UTRN: variants seen among roughly 807,000 people sequenced by gnomAD.
UTRN encodes utrophin.
In UTRN, 283 loss-of-function variants were observed where a neutral mutation model predicts 463.9. That is an observed-to-expected ratio of 0.61 (90% CI 0.55 to 0.67). The LOEUF (loss-of-function observed/expected upper bound fraction) is 0.67, where lower values mean the gene tolerates loss of function less well. Ranked by LOEUF, UTRN falls within the 30% of genes least tolerant of loss-of-function variation. UTRN has a pLI of 0.00. For missense variants in UTRN, 3,922 were observed against 4,084.3 expected (o/e 0.96, Z 1.08); for synonymous variants, 1,442 against 1,431.5 (o/e 1.01, Z -0.17).
At chr6:144,834,518 C>T (rs955642597) in intron 69 of UTRN, among the ~76,000 whole-genome samples, 1 of 152,176 alleles carries the variant, frequency 6.6e-6, no homozygotes. Context: ...CACCAACTGT[C>T]TGATACAATT....
intron 2 of UTRN, chr6:144,344,194 C>G (rs544362994): frequency 7.7e-7 from 1 of 1,303,182 alleles, no homozygotes; most frequent in Admixed American, 2.3e-5. Flanking sequence ...TCCTCATCAT[C>G]TAAGCAGATG....
chr6:144,422,790 G>A (rs1784947249), intron 4 of UTRN, among the ~76,000 whole-genome samples: 1 of 152,312 alleles, frequency 6.6e-6, no homozygotes, highest in South Asian at 2.1e-4. Context: ...GGGTACAAAT[G>A]TTAACTCTAG....
At chr6:144,605,149 A>T (rs1389055418) in intron 51 of UTRN, among the ~76,000 whole-genome samples, 1 of 152,106 alleles carries the variant, frequency 6.6e-6, no homozygotes, top group African/African-American at 2.4e-5. Flanking sequence ...TACCCCTTGG[A>T]TCTTAGGCTA....
At chr6:144,612,935 A>G (rs1367385023) in intron 51 of UTRN, among the ~76,000 whole-genome samples, 1 of 152,108 alleles carries the variant, frequency 6.6e-6, no homozygotes, top group African/African-American at 2.4e-5. Context: ...ACAATAGCCA[A>G]GATATGGAAA....
intron 53 of UTRN, among the ~76,000 whole-genome samples, chr6:144,725,577 A>G (rs1787784752): frequency 1.3e-5 from 2 of 152,230 alleles, no homozygotes; most frequent in African/African-American, 4.8e-5. Context: ...ACGTGATATT[A>G]GAACTTAAAG....
At chr6:144,842,705 G>A (rs924097836) in intron 73 of UTRN, among the ~76,000 whole-genome samples, 2 of 152,102 alleles carry the variant, frequency 1.3e-5, no homozygotes, top group African/African-American at 4.8e-5. Context: ...ATATCTATTT[G>A]TGTTTTGCCA....
chr6:144,754,028 C>T (rs908846570), intron 56 of UTRN, among the ~76,000 whole-genome samples: 1 of 152,106 alleles, frequency 6.6e-6, no homozygotes, highest in East Asian at 1.9e-4. Context: ...CATGTCTTTT[C>T]ATTCTCTGTT....
At chr6:144,631,564 G>C (rs1776524613) in intron 51 of UTRN, among the ~76,000 whole-genome samples, 1 of 152,144 alleles carries the variant, frequency 6.6e-6, no homozygotes, top group African/African-American at 2.4e-5. Flanking sequence ...GGAGTGCTGA[G>C]AGCTTGGCGT....
At position 144,794,005 on chromosome 6, in the gene UTRN, A is replaced by T. The variant is rs766122933; in HGVS notation, c.9078+14A>T. Reference sequence around the variant, plus strand: ...TGCTTCCAACAGGTAAGCATGAAGGATCACTGGTGTGTAGGATGTGTTGGC... The same window carrying T: ...TGCTTCCAACAGGTAAGCATGAAGGTTCACTGGTGTGTAGGATGTGTTGGC... On this transcript the variant is annotated intron_variant, in intron 63 of 74. Coordinates refer to ENST00000367545, the MANE Select transcript of UTRN (RefSeq NM_007124.3). 2 of 1,613,058 alleles carry T rather than the reference A, an allele frequency of 1.2e-6. No individual in the cohort carries two copies. Among genetic ancestry groups the T allele is most frequent in the Non-Finnish European group, 1.7e-6 (2 of 1,179,576 alleles).
chr6:144,422,571 T>C (rs139561600), intron 4 of UTRN, among the ~76,000 whole-genome samples: 2,293 of 152,112 alleles, frequency 0.015, 50 homozygotes, highest in South Asian at 0.1. Context: ...TGAGCCGAGA[T>C]TGCGCCACTG....
At chr6:144,696,148 C>T (rs1026178248) in intron 52 of UTRN, among the ~76,000 whole-genome samples, 2 of 152,096 alleles carry the variant, frequency 1.3e-5, no homozygotes, top group Admixed American at 1.3e-4. Flanking sequence ...GTGTCATTGA[C>T]ACTATGTTTA....
intron 63 of UTRN, among the ~76,000 whole-genome samples, chr6:144,796,464 A>T (rs1198192392): frequency 1.3e-5 from 2 of 152,182 alleles, no homozygotes; most frequent in African/African-American, 4.8e-5. Context: ...AACTGAATTA[A>T]AATGTCCTGA....
intron 62 of UTRN, among the ~76,000 whole-genome samples, chr6:144,792,319 G>A (rs1448623861): frequency 6.6e-6 from 1 of 152,186 alleles, no homozygotes; most frequent in African/African-American, 2.4e-5. Context: ...GGCCGATGTA[G>A]GGCAGATCAA....
intron 2 of UTRN, among the ~76,000 whole-genome samples, chr6:144,402,348 C>T (rs1050495332): frequency 2.6e-5 from 4 of 152,090 alleles, no homozygotes; most frequent in African/African-American, 7.2e-5. Flanking sequence ...ATTGGGACAC[C>T]GTCTATTTGG....
At chr6:144,765,287 A>G (rs1793169497) in intron 58 of UTRN, among the ~76,000 whole-genome samples, 1 of 152,134 alleles carries the variant, frequency 6.6e-6, no homozygotes, top group Non-Finnish European at 1.5e-5. Flanking sequence ...TTTGTAACAA[A>G]TGTTCTAGTA....
chr6:144,431,678 C>G (rs1219202715), intron 9 of UTRN, among the ~76,000 whole-genome samples: 1 of 152,202 alleles, frequency 6.6e-6, no homozygotes, highest in Non-Finnish European at 1.5e-5. Context: ...ATCTCAGTGA[C>G]CTTTGGCTGG....
rs563121732 is a variant in UTRN at position 144,652,667 on chromosome 6, A to G, written c.7480-25739A>G. On this transcript the variant is annotated intron_variant, in intron 51 of 74. Transcript: ENST00000367545. Reference sequence around the variant, plus strand: ...AATAGGGATACTCGTTTCCTTGGGAAGAGAATAGCTCGAGTTATATAATGC... The same window carrying G: ...AATAGGGATACTCGTTTCCTTGGGAGGAGAATAGCTCGAGTTATATAATGC... Among the ~76,000 whole-genome samples the G allele has an allele frequency of 2.0e-5, 3 of 152,354 alleles. No individual in the cohort carries two copies. In the South Asian group the frequency reaches 6.2e-4, roughly 32 times the overall value.
At chr6:144,778,909 A>G (rs753101797) in intron 60 of UTRN, among the ~76,000 whole-genome samples, 1 of 152,212 alleles carries the variant, frequency 6.6e-6, no homozygotes, top group Non-Finnish European at 1.5e-5. Context: ...TGTGATTTAA[A>G]TGTAGTCAGT....
At chr6:144,554,609 C>T in intron 48 of UTRN, 79 bp from the exon 49 acceptor site, 1 of 1,459,910 alleles carries the variant, frequency 6.8e-7, no homozygotes, top group Non-Finnish European at 9.4e-7. Context: ...ATTTGTGATA[C>T]ATTTGATATA....
Sources: allele counts gnomAD v4.1 joint callset (sites outside exome capture counted in the v4.1 genomes callset), GRCh38; gene constraint gnomAD v4.1.1; transcripts MANE v1.5; gene names NCBI Gene and HGNC (gene_info 2026-07-23, HGNC 2026-07-21).